Variants in PDZD4 observed in about 807,000 individuals in gnomAD.
PDZD4 encodes PDZ domain containing 4.
Under a neutral mutation model 38.5 loss-of-function variants are expected in PDZD4, and 9 were observed. The observed-to-expected ratio is 0.23, with a 90% confidence interval of 0.14 to 0.41. The LOEUF is 0.41. PDZD4 is among the 10% of genes least tolerant of loss of function. The pLI, the probability that PDZD4 is intolerant of heterozygous loss-of-function variation, is 1.00. For missense variants in PDZD4, 612 were observed against 722.0 expected, an observed-to-expected ratio of 0.85 and a Z score of 1.75; for synonymous variants, 349 against 315.7, an observed-to-expected ratio of 1.11 and a Z score of -1.12.
rs375422196 is a variant in PDZD4, at chrX:153,814,488, C to CA, written c.61-5894_61-5893insT. ...GACTCCATCCACCCCCCACCCCCCCCCCAAAAAAAAGTCTCCTTCATCAAG... is the reference window on the plus strand; with the variant it reads ...GACTCCATCCACCCCCCACCCCCCCCACCAAAAAAAAGTCTCCTTCATCAAG... On this transcript the variant is annotated intron_variant, in intron 1 of 7. Transcript: ENST00000393758. Among the ~76,000 whole-genome samples, 548 of 85,881 alleles carry CA rather than the reference C, an allele frequency of 6.4e-3. 10 individuals carry two copies. The highest frequency in any genetic ancestry group is 0.022 in the African/African-American group (515 of 23,641). 74.6% of individuals were successfully genotyped at this position (85,881 alleles called of 115,157 possible).
chrX:153,820,273 G>C (rs1473660796), intron 1 of PDZD4, among the ~76,000 whole-genome samples: 1 of 106,703 alleles, frequency 9.4e-6, no homozygotes, highest in Non-Finnish European at 1.9e-5. Context: ...CTTGAACCCG[G>C]GTGGCGGAGG....
chrX:153,821,361 A>G (rs938211728), intron 1 of PDZD4, among the ~76,000 whole-genome samples: 4 of 111,168 alleles, frequency 3.6e-5, no homozygotes, highest in Admixed American at 2.9e-4. Flanking sequence ...TATGTCCTGT[A>G]AAGCCCTCAC....
rs920594840 is a variant in PDZD4, at chrX:153,829,207, C to T, written c.60+1032G>A. On this transcript the variant is annotated intron_variant, in intron 1 of 7. Coordinates refer to ENST00000393758, the MANE Select transcript of PDZD4 (RefSeq NM_001303512.2). Reference sequence around the variant, plus strand: ...CCCCCGTGCCCAGCCCCTCCTTCCCCCGCCCCCGCCCCCGCCCCGGAGTTC... The same window carrying T: ...CCCCCGTGCCCAGCCCCTCCTTCCCTCGCCCCCGCCCCCGCCCCGGAGTTC... 9.5e-5 allele frequency among the ~76,000 whole-genome samples: 10 copies of T among 105,228 alleles called. No individual in the cohort carries two copies. The South Asian group carries it at 4.5e-3, about 47-fold the overall frequency. The allele number at this position is 105,228 out of a possible 115,157, so 91.4% of individuals were successfully genotyped here.
In PDZD4 at chrX:153,808,595, C is replaced by A; in HGVS notation, c.61G>T (p.Val21Leu). Residue 21 changes from valine to leucine, a missense_variant and splice_region_variant, in exon 2 of 8, where the codon GTG becomes TTG. This residue lies in a region of PDZD4 where 225 missense variants were observed against 311.0 expected (regional missense o/e 0.72). Coordinates refer to ENST00000393758, the MANE Select transcript of PDZD4 (RefSeq NM_001303512.2). Reference sequence around the variant, plus strand: ...AGCTTGGAGAGCTCCTTCCCGTTCACCTGCGGCAGAGACACGCCTCCGTAA... The same window carrying A: ...AGCTTGGAGAGCTCCTTCCCGTTCAACTGCGGCAGAGACACGCCTCCGTAA... ...PEEQYKVMLQ[V>L]NGKELSKLSQ... 1 of 1,158,709 alleles carries A rather than the reference C, an allele frequency of 8.6e-7. No individual in the cohort carries two copies. Among genetic ancestry groups the A allele is most frequent in the Non-Finnish European group, 1.2e-6 (1 of 868,654 alleles).
chrX:153,804,234 A>C lies in PDZD4; in HGVS notation c.1447T>G (p.Cys483Gly). 2 of 1,206,345 alleles carry C rather than the reference A, an allele frequency of 1.7e-6. No homozygotes were observed. The highest frequency in any genetic ancestry group is 1.1e-6 in the Non-Finnish European group (1 of 893,234). ...TCCACAAGCAGCGGGGTGCTGCGGC[A>C]GCTCTCCCCAGTGTTGTAGGCGCTG... ...STSAYNTGES[C>G]RSTPLLVEPL... The change falls in exon 8 of 8, where the codon TGC becomes GGC. Residue 483 changes from cysteine to glycine, a missense_variant. Around this residue, in one of 3 missense-constraint regions of PDZD4, gnomAD observed 300 missense variants for 284.6 expected, o/e 1.05. Coordinates refer to ENST00000393758, the MANE Select transcript of PDZD4 (RefSeq NM_001303512.2).
At chrX:153,808,030 G>C in intron 2 of PDZD4, 2 of 1,045,103 alleles carry the variant, frequency 1.9e-6, no homozygotes, top group South Asian at 4.4e-5. Flanking sequence ...GATTCAAGGA[G>C]TGATGCTTGT....
intron 1 of PDZD4, among the ~76,000 whole-genome samples, chrX:153,818,261 CAT>C (rs1166830394): frequency 2.8e-5 from 3 of 108,994 alleles, no homozygotes; most frequent in African/African-American, 1.0e-4. Flanking sequence ...AAAAAAGAAT[CAT>C]GAGATGAAGC....
In PDZD4 at chrX:153,808,611, G is replaced by A; in HGVS notation, c.61-16C>T. The A allele has an allele frequency of 1.8e-6, 2 of 1,138,590 alleles. No homozygotes were observed. Among genetic ancestry groups the A allele is most frequent in the Non-Finnish European group, 2.3e-6 (2 of 858,854 alleles). 93.8% of individuals were successfully genotyped at this position (1,138,590 alleles called of 1,213,427 possible). ...TCCCGTTCACCTGCGGCAGAGACACGCCTCCGTAAGAACCCTCAAAGGCTT... is the reference window on the plus strand; with the variant it reads ...TCCCGTTCACCTGCGGCAGAGACACACCTCCGTAAGAACCCTCAAAGGCTT... On this transcript the variant is annotated splice_polypyrimidine_tract_variant and intron_variant, in intron 1 of 7. Coordinates refer to ENST00000393758, the MANE Select transcript of PDZD4 (RefSeq NM_001303512.2).
At chrX:153,806,438 G>A (rs782039724) in intron 4 of PDZD4, among the ~76,000 whole-genome samples, 1 of 112,807 alleles carries the variant, frequency 8.9e-6, no homozygotes, top group African/African-American at 3.2e-5. Flanking sequence ...GGAGGGGAGC[G>A]AGGGGCCATC....
In PDZD4 at chrX:153,803,671, G is replaced by A. The variant is rs371466435; in HGVS notation, c.2010C>T (p.Asp670=). The A allele has an allele frequency of 1.6e-5, 19 of 1,209,219 alleles. No individual in the cohort carries two copies. In the African/African-American group the frequency reaches 2.4e-4, roughly 15 times the overall value. ...REERSGMTTD[D]DAVSEMKMGR... is the part of the protein sequence containing the mutation. ...CCATCTTCATCTCGCTCACCGCGTC[G>A]TCGTCGGTCGTCATACCGCTGCGCT... Residue 670 remains aspartate, a synonymous_variant, in exon 8 of 8, where the codon GAC becomes GAT. Transcript: ENST00000393758.
Position 153,804,141 on chromosome X carries a change from C to T in PDZD4, c.1540G>A (p.Gly514Ser), listed in dbSNP as rs782727328. The change falls in exon 8 of 8, where the codon GGC (glycine) becomes AGC (serine). Residue 514 changes from glycine to serine, a missense_variant. Transcript: ENST00000393758. ...GNSNLNRTPPGPAVATPAKAA... is the reference protein window; with the variant it reads ...GNSNLNRTPPSPAVATPAKAA... ...TTGGCGGGGGTGGCAACAGCGGGGC[C>T]GGGAGGGGTCCGGTTCAAGTTGGAG... is the stretch of plus-strand genomic sequence containing the variant. 3 of 1,151,313 alleles carry T rather than the reference C, an allele frequency of 2.6e-6. No homozygotes were observed. In the South Asian group the frequency reaches 5.8e-5, roughly 22 times the overall value. The allele number at this position is 1,151,313 out of a possible 1,213,427, so 94.9% of individuals were successfully genotyped here.
chrX:153,828,626 A>G (rs2064506942), intron 1 of PDZD4, among the ~76,000 whole-genome samples: 1 of 112,513 alleles, frequency 8.9e-6, no homozygotes, highest in Admixed American at 9.3e-5. Flanking sequence ...GTGTCGTCCC[A>G]TGGCTCATTT....
chrX:153,812,115 A>G (rs2064315610), intron 1 of PDZD4, among the ~76,000 whole-genome samples: 1 of 109,711 alleles, frequency 9.1e-6, no homozygotes, highest in Non-Finnish European at 1.9e-5. Flanking sequence ...GGGAGATGGA[A>G]ATACTATGTG....
At position 153,803,261 on chromosome X, in the gene PDZD4, G is replaced by GCACA. The variant is rs781896560; in HGVS notation, c.*88_*91dup. ...GTGCGCACAGCGAGCACGCGCGCGC[G>GCACA]CACACACACACACACACAATCTCTA... On this transcript the variant is annotated 3_prime_UTR_variant, in exon 8 of 8. Coordinates refer to ENST00000393758, the MANE Select transcript of PDZD4 (RefSeq NM_001303512.2). The GCACA allele has an allele frequency of 1.2e-4, 68 of 578,736 alleles. No individual in the cohort carries two copies. Among genetic ancestry groups the GCACA allele is most frequent in the Middle Eastern group, 5.8e-4 (1 of 1,714 alleles). The allele number at this position is 578,736 out of a possible 1,213,427, so 47.7% of individuals were successfully genotyped here. A position where few individuals can be genotyped will look rare whatever the true frequency, so the allele number is the denominator to read the frequency against.
At chrX:153,822,623 T>C (rs959642775) in intron 1 of PDZD4, among the ~76,000 whole-genome samples, 14 of 89,871 alleles carry the variant, frequency 1.6e-4, no homozygotes, top group South Asian at 6.0e-4. Flanking sequence ...TGTTTTTTCT[T>C]TCTCTCTCTC....
At position 153,805,101 on chromosome X, in the gene PDZD4, T is replaced by C; in HGVS notation, c.776A>G (p.Gln259Arg). 1 of 1,210,077 alleles carries C rather than the reference T, an allele frequency of 8.3e-7. No individual in the cohort carries two copies. The highest frequency in any genetic ancestry group is 1.1e-6 in the Non-Finnish European group (1 of 894,052). ...AGCGCCCTTTTCCTTCCTCACCTGCTGGGCAGGGGGTGATTTCAGTTTACG... is the reference window on the plus strand; with the variant it reads ...AGCGCCCTTTTCCTTCCTCACCTGCCGGGCAGGGGGTGATTTCAGTTTACG... ...RARKLKSPPAQQPGNEEEKGA... is the reference protein window; with the variant it reads ...RARKLKSPPARQPGNEEEKGA... The change falls in exon 7 of 8, where the codon CAG becomes CGG. Residue 259 changes from glutamine (Q) to arginine (R), a missense_variant. Physicochemically the swap from Gln to Arg is conservative, Grantham distance 43. Around this residue, in one of 3 missense-constraint regions of PDZD4, gnomAD observed 225 missense variants for 311.0 expected, o/e 0.72. Coordinates refer to ENST00000393758, the MANE Select transcript of PDZD4 (RefSeq NM_001303512.2).
chrX:153,824,852 G>A (rs1175618684), intron 1 of PDZD4, among the ~76,000 whole-genome samples: 1 of 111,711 alleles, frequency 9.0e-6, no homozygotes, highest in African/African-American at 3.3e-5. Flanking sequence ...TACAAAATTA[G>A]CCAGGCATGG....
chrX:153,815,172 G>A (rs1184978704), intron 1 of PDZD4, among the ~76,000 whole-genome samples: 7 of 113,005 alleles, frequency 6.2e-5, no homozygotes, highest in African/African-American at 1.9e-4. Context: ...GCCCAAGAGG[G>A]CTGACTCTAG....
intron 1 of PDZD4, among the ~76,000 whole-genome samples, chrX:153,827,055 C>T (rs782681894): frequency 1.8e-4 from 20 of 112,123 alleles, no homozygotes; most frequent in African/African-American, 6.1e-4. Context: ...TTGGAGGACT[C>T]TCATTTCCTT....
Sources: allele counts gnomAD v4.1 joint callset (sites outside exome capture counted in the v4.1 genomes callset), GRCh38; gene constraint gnomAD v4.1.1; regional missense constraint gnomAD v4.1.1; transcripts MANE v1.5; gene names NCBI Gene and HGNC (gene_info 2026-07-23, HGNC 2026-07-21).